Variants in PCSK7 observed in about 807,000 individuals in gnomAD.
The protein encoded by PCSK7 is lymphoma proprotein convertase.
A neutral mutation model predicts 73.3 loss-of-function variants in PCSK7; 38 were observed. That is an observed-to-expected ratio of 0.52 (90% CI 0.40 to 0.68). The LOEUF (loss-of-function observed/expected upper bound fraction) is 0.68, where lower values mean the gene tolerates loss of function less well. Ranked by LOEUF, PCSK7 falls within the 30% of genes least tolerant of loss-of-function variation. PCSK7 has a pLI of 0.00. For missense variants in PCSK7, 692 were observed against 991.5 expected (o/e 0.70, Z 4.06); for synonymous variants, 296 against 383.8 (o/e 0.77, Z 2.68).
intron 12 of PCSK7, chr11:117,217,026 G>C (rs145331865): frequency 3.9e-5 from 6 of 152,156 alleles, no homozygotes; most frequent in African/African-American, 7.2e-5. Context: ...CTTCCAACAG[G>C]TAAAGGGCTC....
At chr11:117,212,508 C>G (rs919139328) in intron 12 of PCSK7, 1 of 150,550 alleles carries the variant, frequency 6.6e-6, no homozygotes, top group African/African-American at 2.5e-5. Context: ...TGGGTTCCAG[C>G]GATTCTCTTG....
intron 12 of PCSK7, chr11:117,217,868 C>T (rs1056383195): frequency 9.9e-5 from 15 of 152,246 alleles, no homozygotes; most frequent in African/African-American, 2.4e-4. Flanking sequence ...TCCGCCTCTT[C>T]GCTCAACATA....
chr11:117,220,105 G>A, intron 9 of PCSK7: 1 of 179,220 alleles, frequency 5.6e-6, no homozygotes. Context: ...GCAGGGCAAA[G>A]GAAACCCTAA....
At chr11:117,221,771 G>C (rs2032200202) in intron 9 of PCSK7, 1 of 152,294 alleles carries the variant, frequency 6.6e-6, no homozygotes, top group Non-Finnish European at 1.5e-5. Flanking sequence ...GGCCTGGGCA[G>C]GGCGAGCTGG....
Position 117,223,188 on chromosome 11 carries a change from A to C in PCSK7, c.1155+20T>G. The C allele has an allele frequency of 2.0e-6, 3 of 1,464,156 alleles. No individual in the cohort carries two copies. The highest frequency in any genetic ancestry group is 2.9e-6 in the Non-Finnish European group (3 of 1,043,312). The allele number at this position is 1,464,156 out of a possible 1,614,324, so 90.7% of individuals were successfully genotyped here. The stretch of plus-strand genomic sequence containing the variant: ...CTTGTGGGAAAGGGGCAGGCCGTGG[A>C]GGGCCCGGGAGGCACTCACAATGCT... On this transcript the variant is annotated intron_variant, in intron 9 of 16. Transcript: ENST00000320934.
chr11:117,208,876 G>T, intron 13 of PCSK7, 21 bp downstream of exon 13: 1 of 1,604,072 alleles, frequency 6.2e-7, no homozygotes, highest in Non-Finnish European at 8.5e-7. Context: ...GGTTGCTCAG[G>T]CCTCGGGCGG....
Position 117,205,578 on chromosome 11 carries a change from A to C in PCSK7, c.*419T>G. Reference sequence around the variant, plus strand: ...TGTCCAGGGGCTCCTCCCAGCCTCTACCCCGAAGTCCTCTTCCCAAGTGAC... The same window carrying C: ...TGTCCAGGGGCTCCTCCCAGCCTCTCCCCCGAAGTCCTCTTCCCAAGTGAC... On this transcript the variant is annotated 3_prime_UTR_variant, in exon 17 of 17. Transcript: ENST00000320934. The C allele has an allele frequency of 4.2e-6, 1 of 238,798 alleles. No individual in the cohort carries two copies. The highest frequency in any genetic ancestry group is 6.0e-5 in the East Asian group (1 of 16,652). 14.8% of individuals were successfully genotyped at this position (238,798 alleles called of 1,614,324 possible).
In PCSK7 at chr11:117,206,214, T is replaced by A; in HGVS notation, c.2141A>T (p.Lys714Met). ...CHWPHRSRKA[K>M]EEGTELESVP... ...TGATTCTAGCTCTGTCCCTTCCTCC[T>A]TGGCTTTCCGGCTCCGATGGGGCCA... The change falls in exon 17 of 17, where the codon AAG (lysine) becomes ATG (methionine). Residue 714 changes from lysine to methionine, a missense_variant. Transcript: ENST00000320934. The A allele has an allele frequency of 6.2e-7, 1 of 1,614,140 alleles. No homozygotes were observed. Among genetic ancestry groups the A allele is most frequent in the Non-Finnish European group, 8.5e-7 (1 of 1,180,010 alleles).
At chr11:117,229,258 G>A in intron 3 of PCSK7, 119 bp downstream of exon 3, 2 of 809,044 alleles carry the variant, frequency 2.5e-6, no homozygotes, top group Non-Finnish European at 2.0e-6. Flanking sequence ...CACAGAACCG[G>A]GAAATGGTCC....
At chr11:117,231,517 G>T (rs2032664804) in intron 1 of PCSK7, among the ~76,000 whole-genome samples, 1 of 152,164 alleles carries the variant, frequency 6.6e-6, no homozygotes, top group African/African-American at 2.4e-5. Context: ...AGACTCAGTA[G>T]ATCCCACCAC....
Position 117,218,512 on chromosome 11 carries a change from GTTTTC to G in PCSK7, c.1483_1487del (p.Glu495GlnfsTer75). ...AACGGGGGGACTGCGGAATCGCCTT[GTTTTC>G]TTTTAACACGGGACTGACGTAGGAT... On this transcript the variant is annotated frameshift_variant, in exon 12 of 17. Coordinates refer to ENST00000320934, the MANE Select transcript of PCSK7 (RefSeq NM_004716.4). LOFTEE classifies it high-confidence loss of function. The surrounding 1 kb of genome is among the most constrained non-coding windows in gnomAD (Gnocchi z 4.0). The G allele has an allele frequency of 1.2e-6, 2 of 1,610,690 alleles. No homozygotes were observed. Among genetic ancestry groups the G allele is most frequent in the Admixed American group, 1.7e-5 (1 of 59,598 alleles).
chr11:117,226,091 AGC>A, intron 5 of PCSK7, 70 bp from the exon 6 acceptor site: 1 of 875,230 alleles, frequency 1.1e-6, no homozygotes, highest in Non-Finnish European at 2.0e-6. Context: ...GGAGGTGGGG[AGC>A]CATATGTGGG....
At chr11:117,223,341 T>G in intron 8 of PCSK7, 33 bp from the exon 9 acceptor site, 1 of 1,302,466 alleles carries the variant, frequency 7.7e-7, no homozygotes, top group Non-Finnish European at 1.1e-6. Flanking sequence ...AGAGCTGAGA[T>G]GCAGAGGGGG....
At chr11:117,209,904 T>C (rs1459283018) in intron 12 of PCSK7, 6 of 152,528 alleles carry the variant, frequency 3.9e-5, no homozygotes, top group Non-Finnish European at 4.4e-5. Flanking sequence ...GTGATGTTAA[T>C]TGAAGTACCT....
At chr11:117,221,855 G>C (rs898419567) in intron 9 of PCSK7, 3 of 152,270 alleles carry the variant, frequency 2.0e-5, no homozygotes, top group Non-Finnish European at 2.9e-5. Context: ...CTGGCCTGCA[G>C]TGGGTGCCCT....
chr11:117,225,843 C>G (rs1282618366), intron 6 of PCSK7, 88 bp downstream of exon 6: 1 of 828,372 alleles, frequency 1.2e-6, no homozygotes. Context: ...CTGCTCCGGC[C>G]TAAGTCAGCC....
At chr11:117,224,540 A>T (rs1361727131) in intron 7 of PCSK7, among the ~76,000 whole-genome samples, 161 bp downstream of exon 7, 1 of 152,166 alleles carries the variant, frequency 6.6e-6, no homozygotes, top group African/African-American at 2.4e-5. Flanking sequence ...CTCTAGGAAC[A>T]AACGTCCCCT....
chr11:117,208,589 A>T (rs2031553280), intron 13 of PCSK7: 1 of 297,304 alleles, frequency 3.4e-6, no homozygotes, highest in African/African-American at 2.6e-5. Context: ...AGTTCAAGTG[A>T]TTCTCCTGCC....
intron 12 of PCSK7, chr11:117,215,380 G>GTATATATATATATATA (rs57009414): frequency 8.9e-5 from 5 of 55,896 alleles, no homozygotes; most frequent in African/African-American, 2.4e-4. Flanking sequence ...GTGTGTGTGT[G>GTATATATATATATATA]TATATATATA....
Sources: allele counts gnomAD v4.1 joint callset (sites outside exome capture counted in the v4.1 genomes callset), GRCh38; gene constraint gnomAD v4.1.1; non-coding constraint Gnocchi (gnomAD v3.1); transcripts MANE v1.5; gene names NCBI Gene and HGNC (gene_info 2026-07-23, HGNC 2026-07-21).